Variants in PSD3 observed in about 807,000 individuals in gnomAD.
PSD3 encodes the protein pleckstrin and Sec7 domain containing 3.
In PSD3, 49 loss-of-function variants were observed where a neutral mutation model predicts 105.5. That is an observed-to-expected ratio of 0.46 (90% CI 0.37 to 0.59). PSD3 has a LOEUF of 0.59. Ranked by LOEUF, PSD3 falls within the 20% of genes least tolerant of loss-of-function variation. The pLI, the probability that PSD3 is intolerant of heterozygous loss-of-function variation, is 0.00. For missense variants in PSD3, 1,561 were observed against 1,263.8 expected (o/e 1.24, Z -3.57); for synonymous variants, 557 against 457.8 (o/e 1.22, Z -2.77).
chr8:19,018,721 AC>A (rs1244397618), intron 1 of PSD3, among the ~76,000 whole-genome samples: 2 of 152,152 alleles, frequency 1.3e-5, no homozygotes, highest in Admixed American at 6.5e-5. Flanking sequence ...CAGAGAAAAT[AC>A]TTTTTCTTGA....
chr8:18,913,078 CACACACAA>C lies in PSD3; in HGVS notation c.130+22948_130+22955del, dbSNP rs1223549908. Among the ~76,000 whole-genome samples the C allele has an allele frequency of 2.7e-3, 331 of 122,970 alleles. 2 individuals are homozygous for C. Among genetic ancestry groups the C allele is most frequent in the Non-Finnish European group, 3.0e-3 (182 of 59,722 alleles). The allele number at this position is 122,970 out of a possible 152,430, so 80.7% of individuals were successfully genotyped here. ...CTAAACAACTTTATAAACACACACA[CACACACAA>C]ACACACACACACACACACACACACA... is the stretch of plus-strand genomic sequence containing the variant. On this transcript the variant is annotated intron_variant, in intron 2 of 15. Coordinates refer to ENST00000327040, the MANE Select transcript of PSD3 (RefSeq NM_015310.4).
chr8:18,815,079 T>C (rs1459487308), intron 4 of PSD3, among the ~76,000 whole-genome samples: 1 of 152,126 alleles, frequency 6.6e-6, no homozygotes, highest in African/African-American at 2.4e-5. Context: ...TAAATATGAA[T>C]TTAGTTTGAT....
chr8:18,746,781 G>A (rs559680182), intron 9 of PSD3, among the ~76,000 whole-genome samples: 25 of 152,192 alleles, frequency 1.6e-4, no homozygotes, highest in African/African-American at 6.0e-4. Context: ...ATACAATTAG[G>A]TTCATTTGTT....
In PSD3 at chr8:18,874,938, C is replaced by T. The variant is rs1196526468; in HGVS notation, c.131-2205G>A. On this transcript the variant is annotated intron_variant, in intron 2 of 15. Coordinates refer to ENST00000327040, the MANE Select transcript of PSD3 (RefSeq NM_015310.4). ...TACACTTTTTTCTCTTTTTTAAAGA[C>T]AGGATCTTACTCTATCATCCAGACT... 3.3e-5 allele frequency among the ~76,000 whole-genome samples: 5 copies of T among 152,116 alleles called. No homozygotes were observed. The South Asian group carries it at 8.3e-4, about 25-fold the overall frequency.
At chr8:18,903,269 G>A (rs548314012) in intron 2 of PSD3, among the ~76,000 whole-genome samples, 32 of 152,244 alleles carry the variant, frequency 2.1e-4, no homozygotes, top group African/African-American at 6.0e-4. Context: ...AACTTGACCC[G>A]AACGGCAACT....
chr8:19,006,405 T>C (rs1287775412), intron 1 of PSD3, among the ~76,000 whole-genome samples: 1 of 151,974 alleles, frequency 6.6e-6, no homozygotes, highest in Non-Finnish European at 1.5e-5. Context: ...ACTAAATAGA[T>C]GTCATTCTTT....
chr8:18,613,446 G>A (rs745402175), intron 11 of PSD3, among the ~76,000 whole-genome samples: 1 of 152,086 alleles, frequency 6.6e-6, no homozygotes, highest in East Asian at 1.9e-4. Flanking sequence ...TTGCTGATGC[G>A]TATTTCCTTT....
At chr8:18,699,455 G>T (rs549225464) in intron 9 of PSD3, among the ~76,000 whole-genome samples, 1 of 152,284 alleles carries the variant, frequency 6.6e-6, no homozygotes, top group African/African-American at 2.4e-5. Flanking sequence ...TCACAGTCAG[G>T]CAAGACGACC....
intron 15 of PSD3, among the ~76,000 whole-genome samples, chr8:18,553,593 G>C (rs1349455603): frequency 2.0e-5 from 3 of 152,142 alleles, no homozygotes; most frequent in Non-Finnish European, 4.4e-5. Flanking sequence ...GCCTGCTCAG[G>C]GAATGCTGCT....
intron 9 of PSD3, among the ~76,000 whole-genome samples, chr8:18,712,778 G>A (rs775858206): frequency 3.9e-5 from 6 of 152,038 alleles, no homozygotes; most frequent in Non-Finnish European, 7.4e-5. Context: ...TCCCTTACTC[G>A]CGTTATGAGG....
intron 12 of PSD3, among the ~76,000 whole-genome samples, chr8:18,594,268 T>TTA (rs1262250524): frequency 2.3e-4 from 8 of 34,138 alleles, no homozygotes; most frequent in African/African-American, 8.9e-4. Context: ...ATATATATTA[T>TTA]TATATATATT....
intron 1 of PSD3, among the ~76,000 whole-genome samples, chr8:19,053,001 G>A (rs1828584852): frequency 6.6e-6 from 1 of 152,176 alleles, no homozygotes; most frequent in South Asian, 2.1e-4. Flanking sequence ...GGCAGGAGAT[G>A]AGCAGCCTGG....
intron 9 of PSD3, among the ~76,000 whole-genome samples, chr8:18,749,606 G>A (rs926216594): frequency 6.6e-6 from 1 of 151,996 alleles, no homozygotes; most frequent in African/African-American, 2.4e-5. Context: ...ATCTGGGTGG[G>A]CCCAGTGTAA....
At chr8:18,792,540 C>G (rs1054433964) in intron 8 of PSD3, among the ~76,000 whole-genome samples, 1 of 152,146 alleles carries the variant, frequency 6.6e-6, no homozygotes, top group Non-Finnish European at 1.5e-5. Flanking sequence ...TGGGGCAGAA[C>G]AGCTCACAGT....
intron 9 of PSD3, among the ~76,000 whole-genome samples, chr8:18,764,897 A>G (rs1303518092): frequency 6.6e-6 from 1 of 152,232 alleles, no homozygotes; most frequent in African/African-American, 2.4e-5. Flanking sequence ...CATGAATTCC[A>G]AAGTTGATTT....
intron 2 of PSD3, among the ~76,000 whole-genome samples, chr8:18,906,225 T>G (rs1819839542): frequency 6.6e-6 from 1 of 152,144 alleles, no homozygotes; most frequent in Non-Finnish European, 1.5e-5. Flanking sequence ...TCATCAAATA[T>G]CTGGGTGCTC....
At position 18,594,273 on chromosome 8, in the gene PSD3, T is replaced by TAC. The variant is rs1385994155; in HGVS notation, c.2481+6090_2481+6091insGT. Among the ~76,000 whole-genome samples the TAC allele has an allele frequency of 2.1e-4, 3 of 13,954 alleles. 1 individual carries two copies. The highest frequency in any genetic ancestry group is 5.2e-3 in the South Asian group (2 of 386). The allele number at this position is 13,954 out of a possible 152,430, so 9.2% of individuals were successfully genotyped here. A position where few individuals can be genotyped will look rare whatever the true frequency, so the allele number is the denominator to read the frequency against. ...ATATTATATAATATATATTATTATA[T>TAC]ATATTATATAATATATATTATATAT... On this transcript the variant is annotated intron_variant, in intron 12 of 15. Coordinates refer to ENST00000327040, the MANE Select transcript of PSD3 (RefSeq NM_015310.4).
At chr8:18,853,328 G>A (rs1815743182) in intron 4 of PSD3, among the ~76,000 whole-genome samples, 1 of 152,274 alleles carries the variant, frequency 6.6e-6, no homozygotes, top group African/African-American at 2.4e-5. Context: ...GACTACCCTG[G>A]AAGATCAAGC....
chr8:18,579,135 A>ACACAG, intron 12 of PSD3, among the ~76,000 whole-genome samples: 1 of 72,712 alleles, frequency 1.4e-5, no homozygotes, highest in South Asian at 5.6e-4. Flanking sequence ...CACACACACA[A>ACACAG]AGGGCAAAAC....
Sources: allele counts gnomAD v4.1 joint callset (sites outside exome capture counted in the v4.1 genomes callset), GRCh38; gene constraint gnomAD v4.1.1; transcripts MANE v1.5; gene names NCBI Gene and HGNC (gene_info 2026-07-23, HGNC 2026-07-21).